Variants in WASHC2C observed in about 807,000 individuals in gnomAD.
WASHC2C encodes the protein Vaccinia Penetration Factor.
Under a neutral mutation model 142.2 loss-of-function variants are expected in WASHC2C, and 73 were observed. The observed-to-expected ratio is 0.51, with a 90% CI of 0.43 to 0.62. The LOEUF (loss-of-function observed/expected upper bound fraction) is 0.62, where lower values mean the gene tolerates loss of function less well. WASHC2C is among the 20% of genes least tolerant of loss of function. WASHC2C has a pLI of 0.00. For missense variants in WASHC2C, 969 were observed against 1,531.7 expected (o/e 0.63, Z 6.13); for synonymous variants, 337 against 565.5 (o/e 0.60, Z 5.73).
intron 23 of WASHC2C, 91 bp from the exon 24 acceptor site, chr10:45,784,474 C>G: frequency 7.0e-7 from 1 of 1,438,066 alleles, no homozygotes; most frequent in Non-Finnish European, 9.3e-7. Flanking sequence ...CTGCAGGGGA[C>G]ATCTTTGTTG....
intron 23 of WASHC2C, 75 bp from the exon 24 acceptor site, chr10:45,784,490 A>C: frequency 6.7e-7 from 1 of 1,497,400 alleles, no homozygotes; most frequent in Non-Finnish European, 8.9e-7. Context: ...TGTTGTGTCC[A>C]TCTTTACATA....
At chr10:45,729,583 G>A (rs577826220) in intron 3 of WASHC2C, among the ~76,000 whole-genome samples, 2 of 151,850 alleles carry the variant, frequency 1.3e-5, no homozygotes, top group East Asian at 3.9e-4. Context: ...GGAATACATA[G>A]GTAAATTAGA....
chr10:45,729,329 C>T (rs1428208934), intron 3 of WASHC2C, among the ~76,000 whole-genome samples: 58 of 152,184 alleles, frequency 3.8e-4, no homozygotes, highest in African/African-American at 1.1e-3. Context: ...TTTGTTGTGG[C>T]GTGATCTGTA....
chr10:45,749,284 A>G (rs1411441396), intron 8 of WASHC2C, among the ~76,000 whole-genome samples: 1 of 151,338 alleles, frequency 6.6e-6, no homozygotes, highest in Non-Finnish European at 1.5e-5. Context: ...AAAATATAAA[A>G]ATTAGCCGGG....
At position 45,752,688 on chromosome 10, in the gene WASHC2C, T is replaced by G. The variant is rs574357872; in HGVS notation, c.1104T>G (p.Phe368Leu). Residue 368 changes from phenylalanine (F) to leucine (L), a missense_variant, in exon 12 of 31, where the codon TTT becomes TTG. By Grantham distance (22) the Phe-to-Leu change is conservative. Coordinates refer to ENST00000623400, the MANE Select transcript of WASHC2C (RefSeq NM_001330074.2). The stretch of plus-strand genomic sequence containing the variant: ...TGTTCAGTGGCGGCAAGGGGCTATT[T>G]GATGATGAGGACGAGGAGGTGAGTC... Reference protein sequence around the residue: ...GGLFSGGKGLFDDEDEESDLF... With the variant: ...GGLFSGGKGLLDDEDEESDLF... 1.2e-6 allele frequency: 2 copies of G among 1,610,116 alleles called. No homozygotes were observed. Among genetic ancestry groups the G allele is most frequent in the Admixed American group, 3.3e-5 (2 of 59,932 alleles).
chr10:45,769,945 TA>T (rs1214492162), intron 20 of WASHC2C, among the ~76,000 whole-genome samples: 3 of 151,616 alleles, frequency 2.0e-5, no homozygotes, highest in African/African-American at 7.3e-5. Flanking sequence ...CAGGATTACT[TA>T]AAAGTTACTT....
chr10:45,773,297 A>G lies in WASHC2C; in HGVS notation c.2081A>G (p.Asp694Gly). ...TQRVSLLFED[D>G]VDSGGSLFGS... ...AGAGTGTCACTCCTCTTTGAAGACG[A>G]TGTTGATAGCGGAGGCTCTCTGTTT... The change falls in exon 21 of 31, where the codon GAT (aspartate) becomes GGT (glycine). Residue 694 changes from aspartate to glycine, a missense_variant. Transcript: ENST00000623400. 1.0e-6 allele frequency: 1 copy of G among 1,003,046 alleles called. No homozygotes were observed. Among genetic ancestry groups the G allele is most frequent in the South Asian group, 1.6e-5 (1 of 63,568 alleles). 62.1% of individuals were successfully genotyped at this position (1,003,046 alleles called of 1,614,324 possible). A position where few individuals can be genotyped will look rare whatever the true frequency, so the allele number is the denominator to read the frequency against.
intron 23 of WASHC2C, 126 bp from the exon 24 acceptor site, chr10:45,784,439 C>T: frequency 8.2e-7 from 1 of 1,216,290 alleles, no homozygotes; most frequent in Non-Finnish European, 1.1e-6. Context: ...TAGGCTGTGG[C>T]CAGCCTTTTG....
At chr10:45,790,279 A>G (rs1564836275) in intron 29 of WASHC2C, 77 bp from the exon 30 acceptor site, 7 of 1,605,424 alleles carry the variant, frequency 4.4e-6, no homozygotes, top group Admixed American at 1.7e-5. Flanking sequence ...TTGCATTTCC[A>G]TAGCTTGTTG....
chr10:45,770,183 G>C lies in WASHC2C; in HGVS notation c.2039+565G>C, dbSNP rs1160823694. ...TTGAACTCGGGAGGTGGAGGTTGCA[G>C]TGAGCTGAGATGGCACCACTGCACT... On this transcript the variant is annotated intron_variant, in intron 20 of 30. Transcript: ENST00000623400. Among the ~76,000 whole-genome samples, 12 of 150,602 alleles carry C rather than the reference G, an allele frequency of 8.0e-5. No individual in the cohort carries two copies. In the Admixed American group the frequency reaches 8.0e-4, roughly 10 times the overall value.
chr10:45,757,205 C>T, intron 16 of WASHC2C, 66 bp downstream of exon 16: 9 of 1,609,800 alleles, frequency 5.6e-6, no homozygotes, highest in East Asian at 2.2e-5. Flanking sequence ...TCATCCGGAA[C>T]CCAGAGGGAA....
intron 3 of WASHC2C, among the ~76,000 whole-genome samples, chr10:45,733,361 A>G (rs1420405527): frequency 1.3e-5 from 2 of 152,198 alleles, no homozygotes; most frequent in African/African-American, 4.8e-5. Flanking sequence ...CATAAATGAA[A>G]GGGGACCAGG....
rs373713448 is a variant in WASHC2C at position 45,762,491 on chromosome 10, G to A, written c.1636-897G>A. On this transcript the variant is annotated intron_variant, in intron 17 of 30. Transcript: ENST00000623400. Reference sequence around the variant, plus strand: ...GATTATAGACATGAGCCACAGCACCGAGCTGAAAGTTTCTTTAGAATCTAT... The same window carrying A: ...GATTATAGACATGAGCCACAGCACCAAGCTGAAAGTTTCTTTAGAATCTAT... Among the ~76,000 whole-genome samples the A allele has an allele frequency of 3.7e-3, 563 of 152,194 alleles. 12 individuals are homozygous for A. The East Asian group carries it at 0.052, about 14-fold the overall frequency.
At chr10:45,788,109 G>A (rs2058179115) in intron 28 of WASHC2C, among the ~76,000 whole-genome samples, 1 of 152,212 alleles carries the variant, frequency 6.6e-6, no homozygotes, top group South Asian at 2.1e-4. Context: ...ATTTTCATTG[G>A]CTTTTTTTTT....
At chr10:45,746,683 A>G in intron 8 of WASHC2C, 36 bp downstream of exon 8, 2 of 1,609,850 alleles carry the variant, frequency 1.2e-6, no homozygotes, top group Non-Finnish European at 1.7e-6. Context: ...TTGTTTTTAC[A>G]TTTTAATTGA....
Position 45,788,937 on chromosome 10 carries a change from G to T in WASHC2C, c.3154G>T (p.Glu1052Ter). Residue 1052 changes from glutamate to a stop codon, truncating the protein, a stop_gained, in exon 29 of 31, where the codon GAG (glutamate) becomes TAG (stop). Transcript: ENST00000623400. LOFTEE classifies it high-confidence loss of function. ...TRAARRLAAQ[E>*]SSEAEDMSVP... ...TGCAGCTAGGCGGCTGGCTGCTCAGGAGTCCAGCGAGGCTGAGGACATGAG... is the reference window on the plus strand; with the variant it reads ...TGCAGCTAGGCGGCTGGCTGCTCAGTAGTCCAGCGAGGCTGAGGACATGAG... 6.2e-7 allele frequency: 1 copy of T among 1,612,054 alleles called. No individual in the cohort carries two copies. The highest frequency in any genetic ancestry group is 8.5e-7 in the Non-Finnish European group (1 of 1,179,872).
chr10:45,728,767 C>T (rs1246682267), intron 2 of WASHC2C, 95 bp from the exon 3 acceptor site: 1 of 1,387,426 alleles, frequency 7.2e-7, no homozygotes, highest in Non-Finnish European at 9.7e-7. Flanking sequence ...CATTCTAACA[C>T]TCAAAGGTGA....
chr10:45,790,534 G>A lies in WASHC2C; in HGVS notation c.3886+1G>A, dbSNP rs1305838608. ...AAGTCTATATTTGATGATGATATGG[G>A]TAAGTTTGGTTTTCTACATCTGACC... On this transcript the variant is annotated splice_donor_variant, in intron 30 of 30. Coordinates refer to ENST00000623400, the MANE Select transcript of WASHC2C (RefSeq NM_001330074.2). LOFTEE classifies it high-confidence loss of function. The A allele has an allele frequency of 1.2e-6, 2 of 1,611,836 alleles. No individual in the cohort carries two copies. The highest frequency in any genetic ancestry group is 1.7e-6 in the Non-Finnish European group (2 of 1,179,816).
intron 7 of WASHC2C, among the ~76,000 whole-genome samples, chr10:45,746,205 A>G (rs1176128636): frequency 2.1e-5 from 3 of 141,292 alleles, no homozygotes; most frequent in Non-Finnish European, 3.0e-5. Context: ...AGTCTTTGCT[A>G]TTGTGAATAA....
Sources: gnomAD v4.1 joint callset for allele counts (sites outside exome capture counted in the v4.1 genomes callset) on GRCh38, gnomAD v4.1.1 for gene constraint, MANE v1.5 for transcripts, NCBI Gene and HGNC (gene_info 2026-07-23, HGNC 2026-07-21) for gene names.